NOS1: variants seen among roughly 807,000 people sequenced by gnomAD.
The protein encoded by NOS1 is nitric oxide synthase 1, also known as NOS type I.
Under a neutral mutation model 164.5 loss-of-function variants are expected in NOS1, and 51 were observed. The observed-to-expected ratio is 0.31, with a 90% CI of 0.25 to 0.39. The LOEUF is 0.39. NOS1 is among the 10% of genes least tolerant of loss of function. The probability of loss-of-function intolerance (pLI) is 1.00; values close to 1 mark genes in which losing one functional copy is unlikely to be tolerated. For missense variants in NOS1, 1,362 were observed against 1,885.6 expected, an observed-to-expected ratio of 0.72 and a Z score of 5.14; for synonymous variants, 719 against 745.8, an observed-to-expected ratio of 0.96 and a Z score of 0.59.
intron 2 of NOS1, among the ~76,000 whole-genome samples, chr12:117,317,543 C>T (rs1156237536): frequency 6.6e-6 from 1 of 151,326 alleles, no homozygotes; most frequent in African/African-American, 2.4e-5. Flanking sequence ...CAAAATTGTA[C>T]TCCTAACCAT....
chr12:117,220,396 TC>T, intron 26 of NOS1, 127 bp from the exon 27 acceptor site: 1 of 887,604 alleles, frequency 1.1e-6, no homozygotes, highest in Non-Finnish European at 1.7e-6. Context: ...TGTGAGCTGA[TC>T]CCAGGGAACA....
rs1279569705 is a variant in NOS1, at chr12:117,330,596, C to T, written c.474G>A (p.Gly158=). 2 of 1,612,094 alleles carry T rather than the reference C, an allele frequency of 1.2e-6. No homozygotes were observed. The highest frequency in any genetic ancestry group is 1.1e-5 in the South Asian group (1 of 90,936). The part of the protein sequence containing the change: ...AVDGASGPGN[G]PQHAYDDGQE... Reference sequence around the variant, plus strand: ...GCCCATCATCGTAGGCATGCTGAGGCCCATTCCCGGGACCCGAGGCCCCAT... The same window carrying T: ...GCCCATCATCGTAGGCATGCTGAGGTCCATTCCCGGGACCCGAGGCCCCAT... The change falls in exon 2 of 29, where the codon GGG becomes GGA. Residue 158 remains glycine (G), a synonymous_variant. Coordinates refer to ENST00000317775, the MANE Select transcript of NOS1 (RefSeq NM_000620.5). This position sits in a 1 kb window ranked among gnomAD's most constrained non-coding sequence, Gnocchi z 4.6.
At chr12:117,216,184 A>AT (rs35267348) in intron 28 of NOS1, among the ~76,000 whole-genome samples, 34,400 of 125,628 alleles carry the variant, frequency 0.27, 4,530 homozygotes, top group Middle Eastern at 0.41. Flanking sequence ...GTCAAAAGGG[A>AT]TTTTTTTTTT....
intron 27 of NOS1, among the ~76,000 whole-genome samples, chr12:117,219,000 A>G (rs1267475692): frequency 6.9e-6 from 1 of 145,976 alleles, no homozygotes; most frequent in Non-Finnish European, 1.5e-5. Flanking sequence ...TTTTTTTGAG[A>G]CAGAGTCTCG....
At chr12:117,307,979 ACT>A (rs527330216) in intron 3 of NOS1, among the ~76,000 whole-genome samples, 44 of 149,170 alleles carry the variant, frequency 2.9e-4, no homozygotes, top group African/African-American at 9.6e-4. Context: ...AGCACCAGAG[ACT>A]CTGTCTCACA....
At chr12:117,308,715 G>T (rs1378374188) in intron 3 of NOS1, among the ~76,000 whole-genome samples, 1 of 151,744 alleles carries the variant, frequency 6.6e-6, no homozygotes, top group East Asian at 1.9e-4. Context: ...TCCTGCCTCA[G>T]CCTCCTGAGT....
chr12:117,238,770 C>T (rs1869928413), intron 20 of NOS1, among the ~76,000 whole-genome samples: 1 of 152,136 alleles, frequency 6.6e-6, no homozygotes, highest in Admixed American at 6.6e-5. Flanking sequence ...CTGCCTCGGC[C>T]TCCCAAAGTG....
chr12:117,347,048 A>G (rs1458639529), intron 1 of NOS1, among the ~76,000 whole-genome samples: 2 of 152,116 alleles, frequency 1.3e-5, no homozygotes, highest in African/African-American at 4.8e-5. Flanking sequence ...GCACTTTGGG[A>G]GGCCAAGGAA....
chr12:117,252,315 A>G (rs556593122), intron 17 of NOS1, among the ~76,000 whole-genome samples: 1 of 152,310 alleles, frequency 6.6e-6, no homozygotes, highest in South Asian at 2.1e-4. Flanking sequence ...CTAATTACAA[A>G]TGTTCATTGG....
intron 20 of NOS1, among the ~76,000 whole-genome samples, chr12:117,238,715 C>T (rs768072383): frequency 2.6e-5 from 4 of 152,028 alleles, no homozygotes; most frequent in Non-Finnish European, 5.9e-5. Context: ...CAGGGTTTCA[C>T]CATGCTGGCC....
chr12:117,324,912 C>T (rs1425115123), intron 2 of NOS1, among the ~76,000 whole-genome samples: 2 of 152,156 alleles, frequency 1.3e-5, no homozygotes, highest in Admixed American at 6.5e-5. Context: ...GTGCCACCAT[C>T]CTGAAACTAC....
At chr12:117,344,216 G>C in intron 1 of NOS1, among the ~76,000 whole-genome samples, 1 of 152,150 alleles carries the variant, frequency 6.6e-6, no homozygotes, top group East Asian at 1.9e-4. Flanking sequence ...AAGCACCACA[G>C]GTCTGCTTTC....
chr12:117,337,173 T>C (rs913597025), intron 1 of NOS1, among the ~76,000 whole-genome samples: 2 of 132,788 alleles, frequency 1.5e-5, no homozygotes, highest in African/African-American at 2.9e-5. Context: ...TGGAGTGCAG[T>C]GGCGCGATCT....
intron 2 of NOS1, among the ~76,000 whole-genome samples, chr12:117,321,740 T>G (rs1345777214): frequency 6.6e-6 from 1 of 152,148 alleles, no homozygotes; most frequent in Non-Finnish European, 1.5e-5. Context: ...AAGTGTGGTC[T>G]GGGAGGAGTG....
rs9658455 is a variant in NOS1 at position 117,248,766 on chromosome 12, T to C, written c.2649-1244A>G. On this transcript the variant is annotated intron_variant, in intron 17 of 28. Transcript: ENST00000317775. Reference sequence around the variant, plus strand: ...TTCTAGTTCTAGATCCCTGAGGAATTGCCACACTGACTTCCACAATGGTTG... The same window carrying C: ...TTCTAGTTCTAGATCCCTGAGGAATCGCCACACTGACTTCCACAATGGTTG... Among the ~76,000 whole-genome samples, 349 of 151,732 alleles carry C rather than the reference T, an allele frequency of 2.3e-3. 1 individual carries two copies. The highest frequency in any genetic ancestry group is 6.6e-3 in the African/African-American group (271 of 41,058).
intron 10 of NOS1, among the ~76,000 whole-genome samples, chr12:117,271,277 CTT>C (rs112893883): frequency 3.5e-5 from 5 of 141,600 alleles, no homozygotes; most frequent in African/African-American, 7.7e-5. Context: ...ATACCGGTGG[CTT>C]TTTTTTTTTT....
In NOS1 at chr12:117,215,189, C is replaced by T; in HGVS notation, c.*120G>A. The stretch of plus-strand genomic sequence containing the variant: ...GGGGCGAGAAGCCCGAGGAGGGAAA[C>T]CAGGGCACAGCGACAAGGACAGGAG... On this transcript the variant is annotated 3_prime_UTR_variant, in exon 29 of 29. Coordinates refer to ENST00000317775, the MANE Select transcript of NOS1 (RefSeq NM_000620.5). 1.5e-6 allele frequency: 2 copies of T among 1,341,978 alleles called. No individual in the cohort carries two copies. Among genetic ancestry groups the T allele is most frequent in the East Asian group, 5.5e-5 (2 of 36,610 alleles). 83.1% of individuals were successfully genotyped at this position (1,341,978 alleles called of 1,614,324 possible). A position where few individuals can be genotyped will look rare whatever the true frequency, so the allele number is the denominator to read the frequency against.
Position 117,286,097 on chromosome 12 carries a change from C to T in NOS1, c.1290+7G>A. ...GGCTCTTCAAGGTATCTGACTTCAC[C>T]ACCTACCTGCAGCTTGGACCACTGG... On this transcript the variant is annotated splice_region_variant and intron_variant, in intron 6 of 28. Coordinates refer to ENST00000317775, the MANE Select transcript of NOS1 (RefSeq NM_000620.5). The T allele has an allele frequency of 6.2e-7, 1 of 1,614,052 alleles. No homozygotes were observed. Among genetic ancestry groups the T allele is most frequent in the Non-Finnish European group, 8.5e-7 (1 of 1,179,992 alleles).
At chr12:117,264,739 C>T (rs1007805250) in intron 12 of NOS1, among the ~76,000 whole-genome samples, 1 of 148,886 alleles carries the variant, frequency 6.7e-6, no homozygotes, top group African/African-American at 2.5e-5. Context: ...TTCTCTCTTT[C>T]TTTTTGTCCC....
Sources: gnomAD v4.1 joint callset for allele counts (sites outside exome capture counted in the v4.1 genomes callset) on GRCh38, gnomAD v4.1.1 for gene constraint, Gnocchi (gnomAD v3.1) non-coding constraint, MANE v1.5 for transcripts, NCBI Gene and HGNC (gene_info 2026-07-23, HGNC 2026-07-21) for gene names.